Variants in APBA1 observed in about 807,000 individuals in gnomAD.
The protein encoded by APBA1 is amyloid-beta A4 precursor protein-binding family A member 1.
In APBA1, 55 loss-of-function variants were observed where a neutral mutation model predicts 86.6. The observed-to-expected ratio is 0.64, with a 90% confidence interval of 0.51 to 0.80. The LOEUF is 0.80. APBA1 is among the 30% of genes least tolerant of loss of function. The pLI, the probability that APBA1 is intolerant of heterozygous loss-of-function variation, is 0.00. For missense variants in APBA1, 1,090 were observed against 1,183.0 expected, an observed-to-expected ratio of 0.92 and a Z score of 1.15; for synonymous variants, 511 against 493.9, an observed-to-expected ratio of 1.03 and a Z score of -0.46.
intron 1 of APBA1, among the ~76,000 whole-genome samples, chr9:69,549,616 G>A (rs1375591433): frequency 6.6e-6 from 1 of 152,120 alleles, no homozygotes; most frequent in African/African-American, 2.4e-5. Flanking sequence ...GTGACCTCTC[G>A]TGGTAAAAGA....
chr9:69,631,537 C>T (rs1823045415), intron 1 of APBA1, among the ~76,000 whole-genome samples: 3 of 152,148 alleles, frequency 2.0e-5, no homozygotes, highest in African/African-American at 7.2e-5. Flanking sequence ...ACCATTTGAC[C>T]CAGCCATCCC....
At chr9:69,472,487 C>T (rs550843231) in intron 3 of APBA1, 4 of 152,340 alleles carry the variant, frequency 2.6e-5, no homozygotes, top group Non-Finnish European at 4.4e-5. Flanking sequence ...CCTGCTTCCA[C>T]CAGTAGTAGA....
intron 1 of APBA1, among the ~76,000 whole-genome samples, chr9:69,595,147 C>T (rs1446300221): frequency 1.3e-5 from 2 of 152,048 alleles, no homozygotes; most frequent in Non-Finnish European, 2.9e-5. Flanking sequence ...AAAAGTGAGG[C>T]TCAAATAAAC....
At position 69,429,789 on chromosome 9, in the gene APBA1, G is replaced by A. The variant is rs202118533; in HGVS notation, c.*1538C>T. 13 of 151,268 alleles carry A rather than the reference G, an allele frequency of 8.6e-5. No homozygotes were observed. In the East Asian group the frequency reaches 1.5e-3, roughly 18 times the overall value. The allele number at this position is 151,268 out of a possible 1,614,324, so 9.4% of individuals were successfully genotyped here. A position where few individuals can be genotyped will look rare whatever the true frequency, so the allele number is the denominator to read the frequency against. On this transcript the variant is annotated 3_prime_UTR_variant, in exon 13 of 13. Coordinates refer to ENST00000265381, the MANE Select transcript of APBA1 (RefSeq NM_001163.4). ...TCCATAGACACAACATAAATATCTC[G>A]GATGCAGAGAACAGGGACTATATTA...
intron 1 of APBA1, among the ~76,000 whole-genome samples, chr9:69,660,329 C>T (rs1266256301): frequency 6.6e-6 from 1 of 152,176 alleles, no homozygotes; most frequent in Admixed American, 6.5e-5. Flanking sequence ...GGAGTTCTGG[C>T]CCCCATGTTA....
intron 2 of APBA1, among the ~76,000 whole-genome samples, chr9:69,486,231 C>T (rs1835607407): frequency 6.6e-6 from 1 of 152,108 alleles, no homozygotes; most frequent in Non-Finnish European, 1.5e-5. Flanking sequence ...GGATTACAGG[C>T]ATGAACCACT....
At chr9:69,518,654 G>T (rs1250162358) in intron 1 of APBA1, among the ~76,000 whole-genome samples, 1 of 152,074 alleles carries the variant, frequency 6.6e-6, no homozygotes, top group Non-Finnish European at 1.5e-5. Flanking sequence ...TGGTAAATAG[G>T]CTCAACAGTA....
At chr9:69,649,350 C>CTCCT (rs1453196597) in intron 1 of APBA1, among the ~76,000 whole-genome samples, 5 of 152,288 alleles carry the variant, frequency 3.3e-5, no homozygotes, top group Admixed American at 1.3e-4. Context: ...CAGCCTGGAG[C>CTCCT]TCCTGCCTGA....
chr9:69,664,693 A>G (rs944780571), intron 1 of APBA1, among the ~76,000 whole-genome samples: 1 of 152,222 alleles, frequency 6.6e-6, no homozygotes, highest in Admixed American at 6.5e-5. Flanking sequence ...TATTCCTAGA[A>G]TATGCATATT....
At chr9:69,504,057 C>A (rs1246952476) in intron 2 of APBA1, among the ~76,000 whole-genome samples, 1 of 152,104 alleles carries the variant, frequency 6.6e-6, no homozygotes, top group Admixed American at 6.5e-5. Context: ...TGAAGATAGA[C>A]TGGCTGTAAG....
intron 12 of APBA1, 85 bp from the exon 13 acceptor site, chr9:69,431,483 G>C: frequency 1.7e-6 from 2 of 1,186,100 alleles, no homozygotes; most frequent in Non-Finnish European, 2.4e-6. Flanking sequence ...CAGAGAGGCA[G>C]TGCCTCTCCC....
chr9:69,587,564 G>A (rs1202844458), intron 1 of APBA1, among the ~76,000 whole-genome samples: 1 of 152,172 alleles, frequency 6.6e-6, no homozygotes, highest in Non-Finnish European at 1.5e-5. Flanking sequence ...TCCCTTGCAA[G>A]TAGGTTCGGT....
At chr9:69,513,178 T>TG (rs1269837340) in intron 2 of APBA1, among the ~76,000 whole-genome samples, 1 of 152,254 alleles carries the variant, frequency 6.6e-6, no homozygotes, top group East Asian at 1.9e-4. Flanking sequence ...TTTTCTGACA[T>TG]GGTTGGTTCC....
chr9:69,433,409 G>A (rs1030991928), intron 11 of APBA1, among the ~76,000 whole-genome samples: 6 of 152,186 alleles, frequency 3.9e-5, no homozygotes, highest in Non-Finnish European at 8.8e-5. Context: ...TTATTTAAAA[G>A]TGGATGCAGA....
chr9:69,502,627 G>A (rs1482195485), intron 2 of APBA1, among the ~76,000 whole-genome samples: 1 of 152,048 alleles, frequency 6.6e-6, no homozygotes, highest in Non-Finnish European at 1.5e-5. Flanking sequence ...TCCACTGACA[G>A]AAATGACACT....
intron 1 of APBA1, among the ~76,000 whole-genome samples, chr9:69,604,692 A>G (rs557901858): frequency 7.8e-6 from 1 of 128,594 alleles, no homozygotes; most frequent in East Asian, 2.1e-4. Context: ...ATGGGCACAC[A>G]TGCACGCACA....
At chr9:69,433,181 G>T (rs941191967) in intron 11 of APBA1, among the ~76,000 whole-genome samples, 4 of 152,212 alleles carry the variant, frequency 2.6e-5, no homozygotes, top group Admixed American at 6.5e-5. Flanking sequence ...CTCCTTCAGA[G>T]TTTCCCAATT....
chr9:69,428,653 A>ATAAC lies in APBA1; in HGVS notation c.*2670_*2673dup, dbSNP rs1834531309. 1 of 152,190 alleles carries ATAAC rather than the reference A, an allele frequency of 6.6e-6. No homozygotes were observed. The highest frequency in any genetic ancestry group is 6.5e-5 in the Admixed American group (1 of 15,278). The allele number at this position is 152,190 out of a possible 1,614,324, so 9.4% of individuals were successfully genotyped here. A position where few individuals can be genotyped will look rare whatever the true frequency, so the allele number is the denominator to read the frequency against. On this transcript the variant is annotated 3_prime_UTR_variant, in exon 13 of 13. Coordinates refer to ENST00000265381, the MANE Select transcript of APBA1 (RefSeq NM_001163.4). ...ATGGGGTATTTAGATATTTACATGT[A>ATAAC]TAACTATATATACTGGGATGACAGA...
intron 5 of APBA1, among the ~76,000 whole-genome samples, chr9:69,460,197 G>A (rs1334691337): frequency 6.6e-6 from 1 of 152,150 alleles, no homozygotes; most frequent in African/African-American, 2.4e-5. Context: ...TGGTACACCC[G>A]GGAAACCAGG....
Sources: allele counts gnomAD v4.1 joint callset (sites outside exome capture counted in the v4.1 genomes callset), GRCh38; gene constraint gnomAD v4.1.1; transcripts MANE v1.5; gene names NCBI Gene and HGNC (gene_info 2026-07-23, HGNC 2026-07-21).